Variants in PCDHA8 observed in about 807,000 individuals in gnomAD.
PCDHA8 encodes protocadherin alpha-8.
A neutral mutation model predicts 61.8 loss-of-function variants in PCDHA8; 53 were observed. The ratio of observed to expected loss-of-function variants is 0.86; its 90% CI spans 0.69 to 1.08. The LOEUF (loss-of-function observed/expected upper bound fraction) is 1.08, where lower values mean the gene tolerates loss of function less well. Ranked by LOEUF, PCDHA8 falls within the 50% of genes least tolerant of loss-of-function variation. The pLI, the probability that PCDHA8 is intolerant of heterozygous loss-of-function variation, is 0.00. For missense variants in PCDHA8, 1,293 were observed against 1,245.0 expected, an observed-to-expected ratio of 1.04 and a Z score of -0.58; for synonymous variants, 618 against 556.6, an observed-to-expected ratio of 1.11 and a Z score of -1.55.
chr5:140,843,136 G>A lies in PCDHA8; in HGVS notation c.1815G>A (p.Ala605=), dbSNP rs2150353697. 16 of 1,596,026 alleles carry A rather than the reference G, an allele frequency of 1.0e-5. 4 individuals are homozygous for A. Among genetic ancestry groups the A allele is most frequent in the South Asian group, 2.2e-5 (2 of 90,518 alleles). ...TGGACGCCGACTCGGGCTACAACGCGTGGCTTTCGTATGAGCTGCAGCCAG... is the reference window on the plus strand; with the variant it reads ...TGGACGCCGACTCGGGCTACAACGCATGGCTTTCGTATGAGCTGCAGCCAG... ...RAVDADSGYN[A]WLSYELQPAA... Residue 605 remains alanine (A), a synonymous_variant, in exon 1 of 4, where the codon GCG becomes GCA. Transcript: ENST00000531613.
chr5:140,865,532 C>T (rs1340228056), intron 1 of PCDHA8: 1 of 152,096 alleles, frequency 6.6e-6, no homozygotes, highest in Non-Finnish European at 1.5e-5. Context: ...TTCTCTTCAT[C>T]CATAGCTATA....
Position 140,883,460 on chromosome 5 carries a change from G to C in PCDHA8, c.2394+39745G>C, listed in dbSNP as rs1554178305. 4 of 1,614,138 alleles carry C rather than the reference G, an allele frequency of 2.5e-6. No individual in the cohort carries two copies. The African/African-American group carries it at 5.3e-5, about 22-fold the overall frequency. On this transcript the variant is annotated intron_variant, in intron 1 of 3. Transcript: ENST00000531613. Reference sequence around the variant, plus strand: ...GACGCCGCATGTCCCCTTCAAGCTGGTGTCCACCTACAAGAACTACTACTC... The same window carrying C: ...GACGCCGCATGTCCCCTTCAAGCTGCTGTCCACCTACAAGAACTACTACTC...
At chr5:140,978,795 G>T in intron 1 of PCDHA8, 154 bp from the exon 2 acceptor site, 1 of 979,238 alleles carries the variant, frequency 1.0e-6, no homozygotes, top group Non-Finnish European at 1.2e-6. Flanking sequence ...TGCTATATAT[G>T]TAGATATCAT....
At chr5:140,925,084 A>AGGAAGGAAGGAAGGAAGGAAGGAG (rs1554202501) in intron 1 of PCDHA8, among the ~76,000 whole-genome samples, 2 of 144,612 alleles carry the variant, frequency 1.4e-5, no homozygotes, top group African/African-American at 5.6e-5. Context: ...TCATCTGGAA[A>AGGAAGGAAGGAAGGAAGGAAGGAG]GGAAGGAAGG....
rs2150418084 is a variant in PCDHA8 at position 140,848,701 on chromosome 5, A to G, written c.2394+4986A>G. The G allele has an allele frequency of 3.1e-6, 5 of 1,592,360 alleles. 1 individual carries two copies. In the South Asian group the frequency reaches 4.4e-5, roughly 14 times the overall value. On this transcript the variant is annotated intron_variant, in intron 1 of 3. Transcript: ENST00000531613. Reference sequence around the variant, plus strand: ...CCGCGCCTGTTCCAGTTGGATTCCAAAGGCCGCGGGGACCTTCTGGAGGTA... The same window carrying G: ...CCGCGCCTGTTCCAGTTGGATTCCAGAGGCCGCGGGGACCTTCTGGAGGTA...
At chr5:140,986,938 G>A (rs1025641797) in intron 3 of PCDHA8, among the ~76,000 whole-genome samples, 1 of 152,158 alleles carries the variant, frequency 6.6e-6, no homozygotes, top group African/African-American at 2.4e-5. Flanking sequence ...TGGAGGCTGG[G>A]TGTGGTCGCT....
intron 1 of PCDHA8, chr5:140,876,448 G>C (rs2056350590): frequency 1.2e-6 from 2 of 1,614,008 alleles, no homozygotes; most frequent in East Asian, 4.5e-5. Flanking sequence ...CATTGATAAA[G>C]GGATTCCTTC....
chr5:140,954,442 G>C (rs2095039188), intron 1 of PCDHA8, among the ~76,000 whole-genome samples: 1 of 151,940 alleles, frequency 6.6e-6, no homozygotes, highest in South Asian at 2.1e-4. Flanking sequence ...GTTGTTTCTG[G>C]ACTTGTTAAT....
At chr5:140,967,479 C>T (rs782390272) in intron 1 of PCDHA8, 7 of 1,613,262 alleles carry the variant, frequency 4.3e-6, no homozygotes, top group East Asian at 2.2e-5. Context: ...CCAGCCCGCT[C>T]GGGTACGGCA....
chr5:140,946,631 T>TATATATATATATATATATAC lies in PCDHA8; in HGVS notation c.2395-32317_2395-32316insTATATATATATATATATACA, dbSNP rs57893927. ...TGTGAAATATATATATATATATATA[T>TATATATATATATATATATAC]ACAATGGAATACTCATCAGCCATTA... On this transcript the variant is annotated intron_variant, in intron 1 of 3. Transcript: ENST00000531613. Among the ~76,000 whole-genome samples, 543 of 131,742 alleles carry TATATATATATATATATATAC rather than the reference T, an allele frequency of 4.1e-3. 35 individuals are homozygous for TATATATATATATATATATAC. Among genetic ancestry groups the TATATATATATATATATATAC allele is most frequent in the African/African-American group, 0.018 (501 of 28,614 alleles). The allele number at this position is 131,742 out of a possible 152,430, so 86.4% of individuals were successfully genotyped here.
intron 1 of PCDHA8, among the ~76,000 whole-genome samples, chr5:140,938,125 A>T (rs1339364898): frequency 6.6e-6 from 1 of 152,120 alleles, no homozygotes; most frequent in Non-Finnish European, 1.5e-5. Context: ...TTTTTTAAAA[A>T]AATAGAGATA....
rs533343357 is a variant in PCDHA8, at chr5:140,856,093, C to G, written c.2394+12378C>G. 1.3e-6 allele frequency: 2 copies of G among 1,597,146 alleles called. 1 individual carries two copies. Among genetic ancestry groups the G allele is most frequent in the Non-Finnish European group, 1.7e-6 (2 of 1,166,952 alleles). On this transcript the variant is annotated intron_variant, in intron 1 of 3. Transcript: ENST00000531613. ...GCCTGGGGGTCCAGTGTCTGCTGCT[C>G]TCGCTTCTTCTCCTCGCAGCCTGGG... is the stretch of plus-strand genomic sequence containing the variant.
At position 140,841,713 on chromosome 5, in the gene PCDHA8, C is replaced by G; in HGVS notation, c.392C>G (p.Pro131Arg). The G allele has an allele frequency of 1.2e-6, 2 of 1,613,888 alleles. No homozygotes were observed. Among genetic ancestry groups the G allele is most frequent in the Non-Finnish European group, 1.7e-6 (2 of 1,179,876 alleles). Residue 131 changes from proline to arginine, a missense_variant, in exon 1 of 4, where the codon CCA becomes CGA. Transcript: ENST00000531613. ...VEVKDVNDNP[P>R]VFRVKDQKLF... is the part of the protein sequence containing the mutation. ...GTGAAGGATGTTAATGACAACCCGCCAGTGTTCCGGGTAAAAGACCAAAAG... is the reference window on the plus strand; with the variant it reads ...GTGAAGGATGTTAATGACAACCCGCGAGTGTTCCGGGTAAAAGACCAAAAG...
Position 140,965,232 on chromosome 5 carries a change from G to T in PCDHA8, c.2395-13717G>T, listed in dbSNP as rs192008157. ...TCCTGTGGAAGAAATGTGAGAACCT[G>T]GGAAGAGTGAATATTCAGAACTGAG... On this transcript the variant is annotated intron_variant, in intron 1 of 3. Coordinates refer to ENST00000531613, the MANE Select transcript of PCDHA8 (RefSeq NM_018911.3). Among the ~76,000 whole-genome samples, 4 of 152,312 alleles carry T rather than the reference G, an allele frequency of 2.6e-5. No individual in the cohort carries two copies. In the East Asian group the frequency reaches 7.7e-4, roughly 29 times the overall value.
chr5:140,857,558 T>A (rs782138602), intron 1 of PCDHA8: 1 of 1,596,966 alleles, frequency 6.3e-7, no homozygotes, highest in Non-Finnish European at 8.6e-7. Flanking sequence ...GCGCTCGCTG[T>A]CGAGCTACGT....
chr5:141,000,292 T>C (rs2097899521), intron 3 of PCDHA8, among the ~76,000 whole-genome samples: 1 of 149,730 alleles, frequency 6.7e-6, no homozygotes, highest in Non-Finnish European at 1.5e-5. Flanking sequence ...GGAATATTGC[T>C]TGAGGCCAGG....
At chr5:140,849,983 G>A (rs1554143561) in intron 1 of PCDHA8, 6 of 1,597,534 alleles carry the variant, frequency 3.8e-6, no homozygotes, top group Admixed American at 1.7e-5. Context: ...CGCTGGTGGA[G>A]CGGCGGTTGG....
chr5:140,986,355 T>C (rs1381730343), intron 3 of PCDHA8, among the ~76,000 whole-genome samples: 3 of 152,154 alleles, frequency 2.0e-5, no homozygotes, highest in African/African-American at 7.2e-5. Context: ...CTTCTTCAGA[T>C]GGAGGAATGC....
At chr5:140,950,791 A>T (rs2153690738) in intron 1 of PCDHA8, among the ~76,000 whole-genome samples, 1 of 152,142 alleles carries the variant, frequency 6.6e-6, no homozygotes, top group East Asian at 1.9e-4. Flanking sequence ...CTTTTTAAAT[A>T]TTGTCTGGTT....
Sources: allele counts gnomAD v4.1 joint callset (sites outside exome capture counted in the v4.1 genomes callset), GRCh38; gene constraint gnomAD v4.1.1; transcripts MANE v1.5; gene names NCBI Gene and HGNC (gene_info 2026-07-23, HGNC 2026-07-21).